RPP14: variants seen among roughly 807,000 people sequenced by gnomAD.
RPP14 encodes ribonuclease P protein subunit p14.
A neutral mutation model predicts 17.8 loss-of-function variants in RPP14; 19 were observed. The ratio of observed to expected loss-of-function variants is 1.07; its 90% CI spans 0.74 to 1.57. RPP14 has a LOEUF of 1.57. Ranked by LOEUF, RPP14 falls within the 40% of genes most tolerant of loss-of-function variation. RPP14 has a pLI of 0.00. For missense variants in RPP14, 125 were observed against 140.8 expected (o/e 0.89, Z 0.57); for synonymous variants, 60 against 56.4 (o/e 1.06, Z -0.29).
chr3:58,319,071 G>C lies in RPP14; in HGVS notation c.*1575G>C, dbSNP rs1242284597. The C allele has an allele frequency of 6.6e-6, 1 of 152,050 alleles. No homozygotes were observed. The highest frequency in any genetic ancestry group is 2.4e-5 in the African/African-American group (1 of 41,386). The allele number at this position is 152,050 out of a possible 1,614,324, so 9.4% of individuals were successfully genotyped here. A position where few individuals can be genotyped will look rare whatever the true frequency, so the allele number is the denominator to read the frequency against. On this transcript the variant is annotated 3_prime_UTR_variant, in exon 6 of 6. Coordinates refer to ENST00000295959, the MANE Select transcript of RPP14 (RefSeq NM_007042.6). Reference sequence around the variant, plus strand: ...TTTGGATAACAAATCCCTACCTATAGCCATGTGGAAGCAGCTTGTCACTGT... The same window carrying C: ...TTTGGATAACAAATCCCTACCTATACCCATGTGGAAGCAGCTTGTCACTGT...
chr3:58,318,256 G>A lies in RPP14; in HGVS notation c.*760G>A, dbSNP rs1470662402. ...AGTTAGGGGAAGGGAGCAGGAAGAG[G>A]GTTGTTCAAATGCCCACTTTCCAGT... On this transcript the variant is annotated 3_prime_UTR_variant, in exon 6 of 6. Transcript: ENST00000295959. The A allele has an allele frequency of 1.8e-6, 1 of 562,860 alleles. No individual in the cohort carries two copies. The highest frequency in any genetic ancestry group is 1.9e-5 in the African/African-American group (1 of 53,010). 34.9% of individuals were successfully genotyped at this position (562,860 alleles called of 1,614,324 possible).
At chr3:58,306,527 C>G (rs2292678) in intron 1 of RPP14, 110 bp downstream of exon 1, 4 of 152,294 alleles carry the variant, frequency 2.6e-5, no homozygotes, top group East Asian at 3.9e-4. Context: ...CTTGTCCTCT[C>G]CGACCCCGGG....
rs1423003578 is a variant in RPP14, at chr3:58,317,670, C to G, written c.*174C>G. ...GGTGGGGTGGGCTTCGGAGGACAGTCTGTCTGAACCTGCCAGTGCTGACCC... is the reference window on the plus strand; with the variant it reads ...GGTGGGGTGGGCTTCGGAGGACAGTGTGTCTGAACCTGCCAGTGCTGACCC... On this transcript the variant is annotated 3_prime_UTR_variant, in exon 6 of 6. Transcript: ENST00000295959. 2.8e-6 allele frequency: 2 copies of G among 705,802 alleles called. No individual in the cohort carries two copies. Among genetic ancestry groups the G allele is most frequent in the Non-Finnish European group, 5.2e-6 (2 of 386,392 alleles). The allele number at this position is 705,802 out of a possible 1,614,324, so 43.7% of individuals were successfully genotyped here. A position where few individuals can be genotyped will look rare whatever the true frequency, so the allele number is the denominator to read the frequency against.
chr3:58,310,156 C>CT (rs1183663157), intron 1 of RPP14, 153 bp from the exon 2 acceptor site: 1 of 605,548 alleles, frequency 1.7e-6, no homozygotes, highest in Non-Finnish European at 2.9e-6. Flanking sequence ...GCAGTGAACT[C>CT]TGATTGTACC....
chr3:58,314,261 G>A (rs2097485612), intron 3 of RPP14, among the ~76,000 whole-genome samples: 1 of 152,184 alleles, frequency 6.6e-6, no homozygotes, highest in African/African-American at 2.4e-5. Flanking sequence ...TAAGGCAGGA[G>A]AACCACTTGA....
In RPP14 at chr3:58,317,620, C is replaced by T; in HGVS notation, c.*124C>T. The T allele has an allele frequency of 1.3e-6, 1 of 751,322 alleles. No homozygotes were observed. The highest frequency in any genetic ancestry group is 2.3e-6 in the Non-Finnish European group (1 of 426,604). 46.5% of individuals were successfully genotyped at this position (751,322 alleles called of 1,614,324 possible). A position where few individuals can be genotyped will look rare whatever the true frequency, so the allele number is the denominator to read the frequency against. On this transcript the variant is annotated 3_prime_UTR_variant, in exon 6 of 6. Coordinates refer to ENST00000295959, the MANE Select transcript of RPP14 (RefSeq NM_007042.6). ...AAATTTGAGGGTGCTGAAGATGTTC[C>T]CACTAATTTCCAGCCATCACCTTTG...
chr3:58,317,119 A>G (rs1383064806), intron 5 of RPP14, 126 bp downstream of exon 5: 2 of 692,658 alleles, frequency 2.9e-6, no homozygotes, highest in Non-Finnish European at 4.9e-6. Context: ...AGTAGGGGAA[A>G]ATAAAGGACT....
chr3:58,309,499 G>A (rs2097479749), intron 1 of RPP14, among the ~76,000 whole-genome samples: 1 of 152,206 alleles, frequency 6.6e-6, no homozygotes, highest in Non-Finnish European at 1.5e-5. Flanking sequence ...AGAGTACAGT[G>A]ATTTGACATT....
intron 3 of RPP14, among the ~76,000 whole-genome samples, chr3:58,315,233 A>G (rs529557026): frequency 6.6e-6 from 1 of 152,304 alleles, no homozygotes; most frequent in South Asian, 2.1e-4. Context: ...CTATTTAGAC[A>G]CAATATGAAT....
intron 3 of RPP14, among the ~76,000 whole-genome samples, chr3:58,316,169 A>G (rs2097488099): frequency 6.6e-6 from 1 of 152,248 alleles, no homozygotes; most frequent in Non-Finnish European, 1.5e-5. Context: ...GTAGGAAAAC[A>G]TGTTGGACAA....
At chr3:58,315,695 A>G (rs2097487517) in intron 3 of RPP14, 1 of 152,196 alleles carries the variant, frequency 6.6e-6, no homozygotes, top group Admixed American at 6.5e-5. Flanking sequence ...TTTATTTTTG[A>G]AACAGAGTTT....
At chr3:58,309,122 G>A (rs1467793151) in intron 1 of RPP14, among the ~76,000 whole-genome samples, 1 of 152,232 alleles carries the variant, frequency 6.6e-6, no homozygotes, top group African/African-American at 2.4e-5. Flanking sequence ...GACACAGGAT[G>A]GGAGGAGACG....
chr3:58,316,132 A>G (rs2097488068), intron 3 of RPP14, among the ~76,000 whole-genome samples: 1 of 152,276 alleles, frequency 6.6e-6, no homozygotes, highest in African/African-American at 2.4e-5. Context: ...GGCCTCTGCC[A>G]CATGGACTAA....
intron 1 of RPP14, chr3:58,307,817 C>T (rs944944111): frequency 2.0e-5 from 3 of 151,626 alleles, no homozygotes; most frequent in South Asian, 4.2e-4. Context: ...GTATCCTCTC[C>T]TTTAATGTCA....
intron 4 of RPP14, 80 bp from the exon 5 acceptor site, chr3:58,316,835 G>C: frequency 8.2e-7 from 1 of 1,226,566 alleles, no homozygotes; most frequent in Non-Finnish European, 1.2e-6. Context: ...AGTCAGAAGT[G>C]AATATTTTAG....
intron 3 of RPP14, among the ~76,000 whole-genome samples, chr3:58,311,701 A>G (rs1342913943): frequency 6.7e-6 from 1 of 148,468 alleles, no homozygotes; most frequent in African/African-American, 2.5e-5. Context: ...ATGAGAGTGC[A>G]TATGTCCTTT....
intron 3 of RPP14, among the ~76,000 whole-genome samples, chr3:58,310,892 T>C (rs2097481462): frequency 6.8e-6 from 1 of 147,588 alleles, no homozygotes; most frequent in African/African-American, 2.5e-5. Flanking sequence ...ATAACGCCAC[T>C]GCACTCCAGC....
rs751757663 is a variant in RPP14 at position 58,314,675 on chromosome 3, A to ATTTTTTTT, written c.163-1822_163-1815dup. 8.7e-3 allele frequency among the ~76,000 whole-genome samples: 786 copies of ATTTTTTTT among 90,590 alleles called. 17 individuals are homozygous for ATTTTTTTT. The highest frequency in any genetic ancestry group is 0.032 in the East Asian group (80 of 2,536). The allele number at this position is 90,590 out of a possible 152,430, so 59.4% of individuals were successfully genotyped here. On this transcript the variant is annotated intron_variant, in intron 3 of 5. Transcript: ENST00000295959. ...CCACTCTGGAACATAGTTTGGCAGT[A>ATTTTTTTT]TTTTTTTTTTTTTTTTTTTTTTTTT...
chr3:58,312,042 A>T (rs2097482793), intron 3 of RPP14, among the ~76,000 whole-genome samples: 1 of 149,728 alleles, frequency 6.7e-6, no homozygotes, highest in African/African-American at 2.5e-5. Context: ...CAATTTTTTT[A>T]CTTGTAGAGG....
Sources: allele counts gnomAD v4.1 joint callset (sites outside exome capture counted in the v4.1 genomes callset), GRCh38; gene constraint gnomAD v4.1.1; transcripts MANE v1.5; gene names NCBI Gene and HGNC (gene_info 2026-07-23, HGNC 2026-07-21).